CNTN6: variants seen among roughly 807,000 people sequenced by gnomAD.
CNTN6 encodes the protein contactin 6.
A neutral mutation model predicts 122.8 loss-of-function variants in CNTN6; 137 were observed. The observed-to-expected ratio is 1.12, with a 90% CI of 0.97 to 1.29. CNTN6 has a LOEUF of 1.29. CNTN6 is among the 50% of genes most tolerant of loss of function. The pLI is 0.00. For synonymous variants in CNTN6, 570 were observed against 426.0 expected, an observed-to-expected ratio of 1.34 and a Z score of -4.16; for missense variants, 1,634 against 1,223.4, an observed-to-expected ratio of 1.34 and a Z score of -5.01.
intron 5 of CNTN6, among the ~76,000 whole-genome samples, chr3:1,292,742 C>T (rs1456158095): frequency 6.6e-6 from 1 of 152,130 alleles, no homozygotes; most frequent in Non-Finnish European, 1.5e-5. Context: ...TTGATTCTTT[C>T]TTCCATTTAC....
chr3:1,165,520 C>G (rs1451251319), intron 2 of CNTN6, among the ~76,000 whole-genome samples: 1 of 151,994 alleles, frequency 6.6e-6, no homozygotes, highest in Non-Finnish European at 1.5e-5. Flanking sequence ...TTTTTCCTAC[C>G]TTTCTTCTAT....
chr3:1,125,797 A>C (rs982601813), intron 1 of CNTN6, among the ~76,000 whole-genome samples: 11 of 151,782 alleles, frequency 7.2e-5, no homozygotes, highest in African/African-American at 2.7e-4. Context: ...ATATATTCTA[A>C]TGATGATATG....
chr3:1,155,756 T>C (rs761689824), intron 2 of CNTN6, among the ~76,000 whole-genome samples: 1 of 152,034 alleles, frequency 6.6e-6, no homozygotes, highest in Non-Finnish European at 1.5e-5. Context: ...TCCTTTTTAG[T>C]TCTGTCATTA....
At chr3:1,326,135 GAGAAAAATAAGTGT>G (rs1701509534) in intron 9 of CNTN6, among the ~76,000 whole-genome samples, 184 bp downstream of exon 9, 1 of 151,748 alleles carries the variant, frequency 6.6e-6, no homozygotes, top group African/African-American at 2.4e-5. Context: ...TCTTTCAAAA[GAGAAAAATAAGTGT>G]AGACAAGACA....
chr3:1,253,758 C>T (rs972944256), intron 4 of CNTN6, among the ~76,000 whole-genome samples: 3 of 152,086 alleles, frequency 2.0e-5, no homozygotes, highest in Non-Finnish European at 4.4e-5. Flanking sequence ...AGAATTCAGG[C>T]GGTAACACTC....
At position 1,288,270 on chromosome 3, in the gene CNTN6, TA is replaced by T. The variant is rs1313627037; in HGVS notation, c.455-7327del. Among the ~76,000 whole-genome samples, 8 of 152,280 alleles carry T rather than the reference TA, an allele frequency of 5.3e-5. No homozygotes were observed. In the South Asian group the frequency reaches 1.2e-3, roughly 24 times the overall value. On this transcript the variant is annotated intron_variant, in intron 5 of 22. Coordinates refer to ENST00000446702, the MANE Select transcript of CNTN6 (RefSeq NM_001289080.2). Reference sequence around the variant, plus strand: ...GATGTGTAAATCAGAAGGGATCCAATAAAATCCAGGTGATCAAGCAGTAATT... The same window carrying T: ...GATGTGTAAATCAGAAGGGATCCAATAAATCCAGGTGATCAAGCAGTAATT...
At chr3:1,392,331 G>T (rs1194502228) in intron 20 of CNTN6, among the ~76,000 whole-genome samples, 1 of 152,134 alleles carries the variant, frequency 6.6e-6, no homozygotes, top group East Asian at 1.9e-4. Flanking sequence ...AATAAATGGT[G>T]CTGGGAAAAC....
At chr3:1,376,691 C>G (rs992980350) in intron 16 of CNTN6, among the ~76,000 whole-genome samples, 1 of 152,044 alleles carries the variant, frequency 6.6e-6, no homozygotes, top group African/African-American at 2.4e-5. Context: ...ACTAAATCAG[C>G]AGTGTCACTG....
At chr3:1,313,428 T>C (rs1447556203) in intron 7 of CNTN6, among the ~76,000 whole-genome samples, 1 of 152,170 alleles carries the variant, frequency 6.6e-6, no homozygotes, top group Non-Finnish European at 1.5e-5. Context: ...AAGCCTTATT[T>C]ATGCTTCAAA....
intron 2 of CNTN6, among the ~76,000 whole-genome samples, chr3:1,149,746 T>C (rs1471007350): frequency 1.3e-5 from 2 of 152,172 alleles, no homozygotes; most frequent in South Asian, 2.1e-4. Context: ...CCCCAAATCA[T>C]ATATGTGTGA....
chr3:1,234,593 A>G (rs2094398029), intron 4 of CNTN6, among the ~76,000 whole-genome samples: 1 of 152,200 alleles, frequency 6.6e-6, no homozygotes, highest in Admixed American at 6.5e-5. Context: ...ATGCTTTTGG[A>G]AATTGTAAAG....
At chr3:1,166,510 GA>G (rs2093252282) in intron 2 of CNTN6, among the ~76,000 whole-genome samples, 1 of 152,032 alleles carries the variant, frequency 6.6e-6, no homozygotes, top group South Asian at 2.1e-4. Flanking sequence ...TTTTTTTTAA[GA>G]AAATACAAGT....
intron 1 of CNTN6, among the ~76,000 whole-genome samples, chr3:1,098,155 C>T (rs371678786): frequency 1.3e-5 from 2 of 151,676 alleles, no homozygotes; most frequent in African/African-American, 4.8e-5. Flanking sequence ...TTAGTGGGTG[C>T]AGTGCACCAG....
intron 20 of CNTN6, among the ~76,000 whole-genome samples, chr3:1,389,518 C>A (rs1188265277): frequency 3.3e-5 from 5 of 152,054 alleles, no homozygotes; most frequent in Admixed American, 1.3e-4. Flanking sequence ...CGAGCAAAAT[C>A]ACCAGCTAAC....
chr3:1,116,828 C>T (rs1250095257), intron 1 of CNTN6, among the ~76,000 whole-genome samples: 1 of 151,784 alleles, frequency 6.6e-6, no homozygotes, highest in African/African-American at 2.4e-5. Context: ...ACTCAGTCTC[C>T]CGAGTAGCTG....
At chr3:1,306,804 A>G (rs1040394289) in intron 7 of CNTN6, among the ~76,000 whole-genome samples, 4 of 152,172 alleles carry the variant, frequency 2.6e-5, no homozygotes, top group African/African-American at 4.8e-5. Flanking sequence ...GGTAAAAAGG[A>G]ACATGTAAGA....
At chr3:1,136,869 C>A (rs190297014) in intron 1 of CNTN6, among the ~76,000 whole-genome samples, 34 of 152,252 alleles carry the variant, frequency 2.2e-4, no homozygotes, top group Admixed American at 5.2e-4. Flanking sequence ...TAGTTCCTCC[C>A]AGTTTCAGTC....
At chr3:1,366,667 G>T (rs1708266217) in intron 12 of CNTN6, among the ~76,000 whole-genome samples, 1 of 152,278 alleles carries the variant, frequency 6.6e-6, no homozygotes, top group South Asian at 2.1e-4. Flanking sequence ...ACTCATGTTA[G>T]TGCTGGGGCT....
chr3:1,208,512 G>C (rs530776520), intron 2 of CNTN6, among the ~76,000 whole-genome samples: 20 of 152,004 alleles, frequency 1.3e-4, no homozygotes, highest in Middle Eastern at 6.8e-3. Context: ...CCTTCTCTGG[G>C]CTCCTTTAAA....
Sources: allele counts gnomAD v4.1 joint callset (sites outside exome capture counted in the v4.1 genomes callset), GRCh38; gene constraint gnomAD v4.1.1; transcripts MANE v1.5; gene names NCBI Gene and HGNC (gene_info 2026-07-23, HGNC 2026-07-21).